Variants in TENM3 observed in about 807,000 individuals in gnomAD.
TENM3 encodes the protein teneurin transmembrane protein 3, also known as teneurin-3.
A neutral mutation model predicts 255.1 loss-of-function variants in TENM3; 63 were observed. The ratio of observed to expected loss-of-function variants is 0.25; its 90% confidence interval spans 0.20 to 0.30. TENM3 has a LOEUF of 0.30. Ranked by LOEUF, TENM3 falls within the 10% of genes least tolerant of loss-of-function variation. TENM3 has a pLI of 1.00. For missense variants in TENM3, 2,929 were observed against 3,461.1 expected (o/e 0.85, Z 3.86); for synonymous variants, 1,306 against 1,322.3 (o/e 0.99, Z 0.27).
At chr4:182,489,286 C>T (rs1735050738) in intron 3 of TENM3, among the ~76,000 whole-genome samples, 1 of 152,084 alleles carries the variant, frequency 6.6e-6, no homozygotes, top group Non-Finnish European at 1.5e-5. Flanking sequence ...AATTGAATTT[C>T]TTCTCTAATT....
chr4:182,386,860 G>T (rs1008703537), intron 3 of TENM3, among the ~76,000 whole-genome samples: 2 of 152,216 alleles, frequency 1.3e-5, no homozygotes, highest in African/African-American at 2.4e-5. Context: ...TGTGCAGCCC[G>T]AGCCTCCCCG....
At chr4:182,101,997 C>T in the TENM3 span, among the ~76,000 whole-genome samples, 3 of 152,202 alleles carry the variant, frequency 2.0e-5, no homozygotes, top group East Asian at 1.9e-4. Context: ...AGGGAGTGCT[C>T]GCTCTCAGAG....
chr4:181,542,672 G>T, the TENM3 span, among the ~76,000 whole-genome samples: 1 of 152,188 alleles, frequency 6.6e-6, no homozygotes, highest in Non-Finnish European at 1.5e-5. Context: ...AAAAAATTTA[G>T]ATTAACTGGC....
chr4:181,883,119 A>C, the TENM3 span, among the ~76,000 whole-genome samples: 1 of 62,520 alleles, frequency 1.6e-5, no homozygotes, highest in African/African-American at 5.7e-5. Flanking sequence ...CTGTTTTTGC[A>C]ATTAATCTTT....
chr4:182,611,200 G>T (rs1290526120), intron 4 of TENM3, among the ~76,000 whole-genome samples: 1 of 151,496 alleles, frequency 6.6e-6, no homozygotes, highest in Non-Finnish European at 1.5e-5. Flanking sequence ...TATTACATTT[G>T]ACAGGAAAAA....
intron 3 of TENM3, among the ~76,000 whole-genome samples, chr4:182,499,528 CAAAG>C (rs1225883990): frequency 6.6e-6 from 1 of 152,144 alleles, no homozygotes; most frequent in Non-Finnish European, 1.5e-5. Context: ...AGTATAAAGA[CAAAG>C]AAGAAATACT....
At chr4:182,783,559 T>A (rs1198607111) in intron 24 of TENM3, among the ~76,000 whole-genome samples, 5 of 150,368 alleles carry the variant, frequency 3.3e-5, no homozygotes, top group Admixed American at 3.3e-4. Flanking sequence ...TCGAGGAGTA[T>A]CTTTGTGGCG....
chr4:181,700,252 G>A, the TENM3 span, among the ~76,000 whole-genome samples: 3 of 150,636 alleles, frequency 2.0e-5, no homozygotes, highest in African/African-American at 7.3e-5. Flanking sequence ...TCTTTTCTGT[G>A]AGAAAGCATT....
chr4:182,256,815 G>T (rs752007326), intron 1 of TENM3, among the ~76,000 whole-genome samples: 18 of 151,902 alleles, frequency 1.2e-4, no homozygotes, highest in Non-Finnish European at 2.2e-4. Flanking sequence ...CCAATATAAT[G>T]CCAAATTAAA....
the TENM3 span, among the ~76,000 whole-genome samples, chr4:181,941,327 G>A: frequency 1.7e-3 from 244 of 140,084 alleles, 1 homozygote; most frequent in African/African-American, 6.1e-3. Flanking sequence ...TTTTTTTATA[G>A]CTATTTGGCT....
the TENM3 span, among the ~76,000 whole-genome samples, chr4:181,677,961 A>G: frequency 3.0e-4 from 45 of 152,286 alleles, no homozygotes; most frequent in Admixed American, 6.5e-4. Context: ...CCCTAGGTCA[A>G]CTTTCCTTTT....
chr4:182,050,532 G>A, the TENM3 span, among the ~76,000 whole-genome samples: 57 of 152,276 alleles, frequency 3.7e-4, no homozygotes, highest in African/African-American at 1.3e-3. Flanking sequence ...GGCTGACTGC[G>A]GTGGCTCACA....
the TENM3 span, among the ~76,000 whole-genome samples, chr4:181,954,109 CTTTT>C: frequency 6.6e-6 from 1 of 152,134 alleles, no homozygotes; most frequent in Non-Finnish European, 1.5e-5. Context: ...TAGCTCATTC[CTTTT>C]TATTGCTAAG....
chr4:181,614,912 C>T, the TENM3 span, among the ~76,000 whole-genome samples: 1 of 152,084 alleles, frequency 6.6e-6, no homozygotes, highest in Non-Finnish European at 1.5e-5. Context: ...GGGGAAGATC[C>T]GAGAAAGGCT....
chr4:181,593,915 A>C, the TENM3 span, among the ~76,000 whole-genome samples: 1 of 152,010 alleles, frequency 6.6e-6, no homozygotes, highest in Admixed American at 6.6e-5. Flanking sequence ...AGCGTTAATT[A>C]TGATCTAGGC....
At chr4:181,570,084 G>A in the TENM3 span, among the ~76,000 whole-genome samples, 9 of 146,398 alleles carry the variant, frequency 6.1e-5, no homozygotes, top group East Asian at 2.0e-4. Context: ...TGTCGCCCAG[G>A]TCGGACTGCG....
chr4:181,573,547 G>T, the TENM3 span, among the ~76,000 whole-genome samples: 1 of 152,068 alleles, frequency 6.6e-6, no homozygotes, highest in East Asian at 1.9e-4. Flanking sequence ...TTGCTAAAAA[G>T]ATATGAATTA....
chr4:182,214,364 T>C (rs530404098), intron 1 of TENM3, among the ~76,000 whole-genome samples: 2 of 152,320 alleles, frequency 1.3e-5, no homozygotes, highest in East Asian at 1.9e-4. Context: ...TTCAGTGATA[T>C]CCTTGGAAAT....
chr4:181,469,819 T>C, the TENM3 span, among the ~76,000 whole-genome samples: 1 of 152,168 alleles, frequency 6.6e-6, no homozygotes, highest in Non-Finnish European at 1.5e-5. Context: ...TAAATTGTTA[T>C]ACCTGAGACT....
Sources: gnomAD v4.1 joint callset for allele counts (sites outside exome capture counted in the v4.1 genomes callset) on GRCh38, gnomAD v4.1.1 for gene constraint, MANE v1.5 for transcripts, NCBI Gene and HGNC (gene_info 2026-07-23, HGNC 2026-07-21) for gene names.